The following SHANK2 variants were observed in gnomAD, a reference collection of about 807,000 sequenced individuals.
SHANK2 encodes the protein SH3 and multiple ankyrin repeat domains 2.
In SHANK2, 43 loss-of-function variants were observed where a neutral mutation model predicts 133.7. The ratio of observed to expected loss-of-function variants is 0.32; its 90% CI spans 0.25 to 0.41. The LOEUF is 0.41. SHANK2 is among the 10% of genes least tolerant of loss of function. The pLI, the probability that SHANK2 is intolerant of heterozygous loss-of-function variation, is 1.00. For synonymous variants in SHANK2, 1,017 were observed against 952.8 expected, an observed-to-expected ratio of 1.07 and a Z score of -1.24; for missense variants, 1,994 against 2,235.8, an observed-to-expected ratio of 0.89 and a Z score of 2.18.
intron 8 of SHANK2, among the ~76,000 whole-genome samples, chr11:71,085,975 ATTATGTT>A (rs1951397195): frequency 1.3e-4 from 1 of 7,578 alleles, no homozygotes. Flanking sequence ...TATTATATAT[ATTATGTT>A]ATATATTATA....
At chr11:70,653,164 G>A (rs1198428207) in intron 17 of SHANK2, among the ~76,000 whole-genome samples, 6 of 152,076 alleles carry the variant, frequency 3.9e-5, no homozygotes, top group South Asian at 4.2e-4. Flanking sequence ...TAGTAGAGAC[G>A]GGGTTTCACC....
chr11:70,581,248 C>T (rs1435013324), intron 17 of SHANK2, among the ~76,000 whole-genome samples: 1 of 152,202 alleles, frequency 6.6e-6, no homozygotes, highest in Non-Finnish European at 1.5e-5. Context: ...CTGGCTGTTC[C>T]AGTACCTTAG....
chr11:70,646,672 T>G (rs1338512669), intron 17 of SHANK2, among the ~76,000 whole-genome samples: 1 of 152,186 alleles, frequency 6.6e-6, no homozygotes, highest in East Asian at 1.9e-4. Flanking sequence ...TTGGTAGATG[T>G]GTGTAACCCA....
chr11:70,632,371 C>T (rs982452666), intron 17 of SHANK2, among the ~76,000 whole-genome samples: 1 of 151,992 alleles, frequency 6.6e-6, no homozygotes, highest in African/African-American at 2.4e-5. Context: ...GTGATCCGCC[C>T]GCCTCAGCCT....
At chr11:70,728,649 A>T (rs1946222438) in intron 14 of SHANK2, among the ~76,000 whole-genome samples, 1 of 152,194 alleles carries the variant, frequency 6.6e-6, no homozygotes, top group African/African-American at 2.4e-5. Flanking sequence ...ACAAATACGC[A>T]CGCCCAGAAC....
intron 17 of SHANK2, among the ~76,000 whole-genome samples, chr11:70,601,091 T>C (rs1204717904): frequency 6.7e-6 from 1 of 149,750 alleles, no homozygotes; most frequent in Non-Finnish European, 1.5e-5. Context: ...CTTGCTCTGA[T>C]GCCCAGGCTG....
intron 14 of SHANK2, among the ~76,000 whole-genome samples, chr11:70,763,114 T>C (rs1555040589): frequency 6.6e-6 from 1 of 152,196 alleles, no homozygotes; most frequent in Non-Finnish European, 1.5e-5. Flanking sequence ...CTGTGCGACC[T>C]GGAACAAGTC....
chr11:70,617,101 GTA>G (rs2060755214), intron 17 of SHANK2, among the ~76,000 whole-genome samples: 1 of 152,032 alleles, frequency 6.6e-6, no homozygotes, highest in African/African-American at 2.4e-5. Context: ...ATGAGAGTGT[GTA>G]TGTGTGTGAG....
intron 17 of SHANK2, among the ~76,000 whole-genome samples, chr11:70,630,091 C>T (rs1201255307): frequency 2.0e-5 from 3 of 152,222 alleles, no homozygotes; most frequent in East Asian, 1.9e-4. Context: ...GATGCACTAC[C>T]GTGGGCTTTG....
At chr11:71,146,923 A>T (rs1555106787) in intron 3 of SHANK2, among the ~76,000 whole-genome samples, 197 bp downstream of exon 3, 1 of 151,922 alleles carries the variant, frequency 6.6e-6, no homozygotes, top group African/African-American at 2.4e-5. Context: ...ATGTGAGGCC[A>T]GCGGCAGCAG....
At chr11:70,815,571 C>A (rs1590714924) in intron 12 of SHANK2, among the ~76,000 whole-genome samples, 1 of 152,200 alleles carries the variant, frequency 6.6e-6, no homozygotes, top group African/African-American at 2.4e-5. Flanking sequence ...AGGCTGGGCC[C>A]GGTGAGCTCC....
intron 11 of SHANK2, among the ~76,000 whole-genome samples, chr11:70,835,812 T>C (rs3019841): frequency 0.62 from 94,726 of 152,066 alleles, 30,009 homozygotes; most frequent in South Asian, 0.77. Context: ...ACCAGCCTCA[T>C]TCTGCTGAGG....
At chr11:71,147,046 G>C (rs1952664814) in intron 3 of SHANK2, 74 bp downstream of exon 3, 5 of 1,322,366 alleles carry the variant, frequency 3.8e-6, no homozygotes, top group South Asian at 2.8e-5. Context: ...GGGAGGACCA[G>C]AGCAGGCCTC....
At chr11:70,641,716 G>C (rs1003710073) in intron 17 of SHANK2, among the ~76,000 whole-genome samples, 3 of 152,260 alleles carry the variant, frequency 2.0e-5, no homozygotes, top group Admixed American at 6.5e-5. Flanking sequence ...CGACTTGAGA[G>C]GGGCAATAAA....
At position 70,807,132 on chromosome 11, in the gene SHANK2, C is replaced by T. The variant is rs782803537; in HGVS notation, c.1533G>A (p.Ser511=). The change falls in exon 13 of 26, where the codon TCG becomes TCA. Residue 511 remains serine, a synonymous_variant. Coordinates refer to ENST00000601538, the MANE Select transcript of SHANK2 (RefSeq NM_012309.5). This position sits in a 1 kb window ranked among gnomAD's most constrained non-coding sequence, Gnocchi z 4.8. The part of the protein sequence containing the change: ...FALGANKDSL[S]AFEYPGPKRK... ...GCTTGGGCCCCGGGTACTCGAAGGCCGAGAGTGAGTCCTTGTTGGCACCAA... is the reference window on the plus strand; with the variant it reads ...GCTTGGGCCCCGGGTACTCGAAGGCTGAGAGTGAGTCCTTGTTGGCACCAA... 1.4e-5 allele frequency: 10 copies of T among 717,736 alleles called. No individual in the cohort carries two copies. Among genetic ancestry groups the T allele is most frequent in the East Asian group, 5.4e-5 (2 of 37,232 alleles). 44.5% of individuals were successfully genotyped at this position (717,736 alleles called of 1,614,324 possible). A position where few individuals can be genotyped will look rare whatever the true frequency, so the allele number is the denominator to read the frequency against.
intron 9 of SHANK2, among the ~76,000 whole-genome samples, chr11:71,066,090 T>TG (rs1226644103): frequency 4.1e-4 from 3 of 7,348 alleles, no homozygotes; most frequent in South Asian, 4.2e-3. Context: ...GGGAAGTTGG[T>TG]GGGGGGGGTG....
Position 70,804,202 on chromosome 11 carries a change from G to A in SHANK2, c.1663+2800C>T, listed in dbSNP as rs2135256306. ...CAATGATTGTTCCCTTGATATCAAG[G>A]GGACAGAATTCCTCCAAACGGCCTT... On this transcript the variant is annotated intron_variant, in intron 13 of 25. Coordinates refer to ENST00000601538, the MANE Select transcript of SHANK2 (RefSeq NM_012309.5). The surrounding 1 kb of genome is among the most constrained non-coding windows in gnomAD (Gnocchi z 4.1). Among the ~76,000 whole-genome samples the A allele has an allele frequency of 6.6e-6, 1 of 152,318 alleles. No individual in the cohort carries two copies. The highest frequency in any genetic ancestry group is 1.9e-4 in the East Asian group (1 of 5,166).
At chr11:71,241,437 G>A (rs1555124404) in intron 1 of SHANK2, among the ~76,000 whole-genome samples, 1 of 152,046 alleles carries the variant, frequency 6.6e-6, no homozygotes, top group East Asian at 1.9e-4. Context: ...GGCCCCATGG[G>A]ACAAACAAAC....
chr11:71,111,341 A>G (rs1391532659), intron 5 of SHANK2, among the ~76,000 whole-genome samples: 3 of 152,182 alleles, frequency 2.0e-5, no homozygotes, highest in Admixed American at 2.0e-4. Flanking sequence ...AGGCAGAAAT[A>G]GCGATGCCTG....
Sources: gnomAD v4.1 joint callset for allele counts (sites outside exome capture counted in the v4.1 genomes callset) on GRCh38, gnomAD v4.1.1 for gene constraint, Gnocchi (gnomAD v3.1) non-coding constraint, MANE v1.5 for transcripts, NCBI Gene and HGNC (gene_info 2026-07-23, HGNC 2026-07-21) for gene names.